The following CSF1 variants were observed in gnomAD, a reference collection of about 807,000 sequenced individuals.
CSF1 encodes colony stimulating factor 1.
In CSF1, 9 loss-of-function variants were observed where a neutral mutation model predicts 48.9. That is an observed-to-expected ratio of 0.18 (90% CI 0.11 to 0.32). CSF1 has a LOEUF of 0.32. CSF1 is among the 10% of genes least tolerant of loss of function. The pLI, the probability that CSF1 is intolerant of heterozygous loss-of-function variation, is 1.00. For synonymous variants in CSF1, 305 were observed against 284.1 expected, an observed-to-expected ratio of 1.07 and a Z score of -0.74; for missense variants, 672 against 697.9, an observed-to-expected ratio of 0.96 and a Z score of 0.42.
At chr1:109,914,418 C>T in intron 2 of CSF1, 37 bp downstream of exon 2, 1 of 1,532,958 alleles carries the variant, frequency 6.5e-7, no homozygotes, top group Non-Finnish European at 8.8e-7. Flanking sequence ...ACCTTCTCCC[C>T]ACTGGGGAAA....
chr1:109,920,810 T>C lies in CSF1; in HGVS notation c.397-1037T>C, dbSNP rs796504404. On this transcript the variant is annotated intron_variant, in intron 4 of 8. Coordinates refer to ENST00000329608, the MANE Select transcript of CSF1 (RefSeq NM_000757.6). ...TGAGCATGCATGGCATGGCCTTGTG[T>C]GAAAGGAGAGGTGGGCCCGGGAGTG... is the stretch of plus-strand genomic sequence containing the variant. 7.2e-5 allele frequency among the ~76,000 whole-genome samples: 11 copies of C among 152,114 alleles called. 2 individuals carry two copies. The highest frequency in any genetic ancestry group is 2.7e-4 in the African/African-American group (11 of 41,478).
chr1:109,914,790 G>A (rs984080354), intron 2 of CSF1, among the ~76,000 whole-genome samples: 4 of 152,212 alleles, frequency 2.6e-5, no homozygotes, highest in South Asian at 4.1e-4. Context: ...CATATGTGGC[G>A]CCAGTCTGGC....
chr1:109,918,874 C>T (rs1467030662), intron 4 of CSF1, among the ~76,000 whole-genome samples: 1 of 151,940 alleles, frequency 6.6e-6, no homozygotes, highest in Non-Finnish European at 1.5e-5. Flanking sequence ...TGGGACTGGA[C>T]AGCACTGCCA....
At chr1:109,917,200 G>C (rs78075087) in intron 3 of CSF1, 93 bp from the exon 4 acceptor site, 25 of 1,373,400 alleles carry the variant, frequency 1.8e-5, no homozygotes, top group Non-Finnish European at 2.3e-5. Flanking sequence ...CTGGGGGAAG[G>C]GGGAGAGCAA....
chr1:109,920,465 C>T (rs1202437127), intron 4 of CSF1, among the ~76,000 whole-genome samples: 4 of 152,090 alleles, frequency 2.6e-5, no homozygotes, highest in South Asian at 2.1e-4. Context: ...ATTACAGGCA[C>T]GTGCCACCAT....
chr1:109,911,941 A>G (rs1654708033), intron 1 of CSF1, among the ~76,000 whole-genome samples: 1 of 152,134 alleles, frequency 6.6e-6, no homozygotes, highest in South Asian at 2.1e-4. Flanking sequence ...ATGACCAGTC[A>G]GTGGGCTCAT....
At position 109,910,996 on chromosome 1, in the gene CSF1, C is replaced by T; in HGVS notation, c.-28C>T. ...CGAGCGAGCGAGCGAGGGCGGCCGACGCGCCCGGCCGGGACCCAGCTGCCC... is the reference window on the plus strand; with the variant it reads ...CGAGCGAGCGAGCGAGGGCGGCCGATGCGCCCGGCCGGGACCCAGCTGCCC... On this transcript the variant is annotated 5_prime_UTR_variant, in exon 1 of 9. The change creates a new upstream start codon in the 5' untranslated region. Transcript: ENST00000329608. 8.6e-7 allele frequency: 1 copy of T among 1,163,356 alleles called. No homozygotes were observed. The highest frequency in any genetic ancestry group is 1.1e-6 in the Non-Finnish European group (1 of 945,934). 72.1% of individuals were successfully genotyped at this position (1,163,356 alleles called of 1,614,324 possible).
In CSF1 at chr1:109,914,388, G is replaced by A. The variant is rs372342555; in HGVS notation, c.162+7G>A. 1.8e-4 allele frequency: 294 copies of A among 1,591,132 alleles called. No homozygotes were observed. The highest frequency in any genetic ancestry group is 2.2e-4 in the Non-Finnish European group (261 of 1,168,336). ...GCAGTCTCTGCAGCGGCTGGTGAGT[G>A]TGTGGCCATGCTGTATTCTACCTTC... On this transcript the variant is annotated splice_region_variant and intron_variant, in intron 2 of 8. Coordinates refer to ENST00000329608, the MANE Select transcript of CSF1 (RefSeq NM_000757.6).
Position 109,921,999 on chromosome 1 carries a change from G to A in CSF1, c.544+5G>A, listed in dbSNP as rs1371936524. The A allele has an allele frequency of 1.3e-6, 2 of 1,591,846 alleles. No individual in the cohort carries two copies. The highest frequency in any genetic ancestry group is 1.7e-5 in the Admixed American group (1 of 58,692). On this transcript the variant is annotated splice_donor_5th_base_variant and intron_variant, in intron 5 of 8. Coordinates refer to ENST00000329608, the MANE Select transcript of CSF1 (RefSeq NM_000757.6). ...TTGCTGAATGCTCCAGCCAAGGTAA[G>A]CATGGCAGGGGCCAGCAAGTGTGTG... is the stretch of plus-strand genomic sequence containing the variant.
chr1:109,917,193 G>A lies in CSF1; in HGVS notation c.226-100G>A, dbSNP rs943168187. On this transcript the variant is annotated intron_variant, in intron 3 of 8. Transcript: ENST00000329608. ...CTGGCATGGTGTGGTCCCTCCCCTG[G>A]GGGAAGGGGGAGAGCAAGCTGCAAC... 14 of 1,279,714 alleles carry A rather than the reference G, an allele frequency of 1.1e-5. No homozygotes were observed. The African/African-American group carries it at 1.9e-4, about 18-fold the overall frequency. The allele number at this position is 1,279,714 out of a possible 1,614,324, so 79.3% of individuals were successfully genotyped here. A position where few individuals can be genotyped will look rare whatever the true frequency, so the allele number is the denominator to read the frequency against.
In CSF1 at chr1:109,923,558, A is replaced by G; in HGVS notation, c.937A>G (p.Ser313Gly). ...WVPEEASGEA[S>G]EIPVPQGTEL... ...CCCAGAAGAAGCCTCTGGAGAGGCCAGTGAGATTCCCGTACCCCAAGGGAC... is the reference window on the plus strand; with the variant it reads ...CCCAGAAGAAGCCTCTGGAGAGGCCGGTGAGATTCCCGTACCCCAAGGGAC... The change falls in exon 6 of 9, where the codon AGT (serine) becomes GGT (glycine). Residue 313 changes from serine to glycine, a missense_variant. Transcript: ENST00000329608. The G allele has an allele frequency of 6.2e-7, 1 of 1,614,162 alleles. No homozygotes were observed. The highest frequency in any genetic ancestry group is 1.1e-5 in the South Asian group (1 of 91,082).
chr1:109,912,968 A>G (rs1228766128), intron 1 of CSF1, among the ~76,000 whole-genome samples: 1 of 150,916 alleles, frequency 6.6e-6, no homozygotes, highest in African/African-American at 2.4e-5. Flanking sequence ...TCTTCCTTCC[A>G]TGGCTCCCAC....
chr1:109,917,543 G>A, intron 4 of CSF1, 80 bp downstream of exon 4: 4 of 1,391,374 alleles, frequency 2.9e-6, no homozygotes, highest in Admixed American at 2.0e-5. Flanking sequence ...CAGGCACAGA[G>A]TACATTCGCT....
At chr1:109,927,096 T>C (rs1350663316) in intron 8 of CSF1, among the ~76,000 whole-genome samples, 2 of 152,246 alleles carry the variant, frequency 1.3e-5, no homozygotes, top group African/African-American at 4.8e-5. Context: ...ACTGCCTAAC[T>C]GACCAGCTGT....
chr1:109,918,957 G>A (rs1460271409), intron 4 of CSF1, among the ~76,000 whole-genome samples: 2 of 151,996 alleles, frequency 1.3e-5, no homozygotes, highest in African/African-American at 4.8e-5. Flanking sequence ...CTGGCAAGGG[G>A]CAGCCTGAAG....
At chr1:109,914,638 G>C (rs1417173795) in intron 2 of CSF1, among the ~76,000 whole-genome samples, 2 of 152,230 alleles carry the variant, frequency 1.3e-5, no homozygotes, top group East Asian at 3.9e-4. Flanking sequence ...CTGCTTGCCT[G>C]GGTTAGTGAT....
chr1:109,911,918 G>C (rs995214459), intron 1 of CSF1, among the ~76,000 whole-genome samples: 2 of 152,140 alleles, frequency 1.3e-5, no homozygotes, highest in Admixed American at 6.5e-5. Context: ...AGAAAGTGAG[G>C]GTGGCACTGT....
chr1:109,915,502 C>T, intron 2 of CSF1, 132 bp from the exon 3 acceptor site: 1 of 723,566 alleles, frequency 1.4e-6, no homozygotes, highest in Non-Finnish European at 2.5e-6. Context: ...CTCTGTCTTT[C>T]CACGTGTGGT....
At chr1:109,927,257 C>G (rs894915945) in intron 8 of CSF1, among the ~76,000 whole-genome samples, 1 of 152,258 alleles carries the variant, frequency 6.6e-6, no homozygotes, top group Admixed American at 6.5e-5. Context: ...TGTGGAGTGA[C>G]AGGTCTGGGC....
Sources: gnomAD v4.1 joint callset for allele counts (sites outside exome capture counted in the v4.1 genomes callset) on GRCh38, gnomAD v4.1.1 for gene constraint, MANE v1.5 for transcripts, NCBI Gene and HGNC (gene_info 2026-07-23, HGNC 2026-07-21) for gene names.